ZFHX3: variants seen among roughly 807,000 people sequenced by gnomAD.
ZFHX3 encodes the protein zinc finger homeobox protein 3.
In ZFHX3, 42 loss-of-function variants were observed where a neutral mutation model predicts 279.1. That is an observed-to-expected ratio of 0.15 (90% CI 0.12 to 0.19). The LOEUF is 0.19. Among genes scored for constraint, ZFHX3 ranks in the 10% least tolerant of loss-of-function variants. The pLI, the probability that ZFHX3 is intolerant of heterozygous loss-of-function variation, is 1.00. For synonymous variants in ZFHX3, 2,293 were observed against 1,957.8 expected (o/e 1.17, Z -4.52); for missense variants, 4,981 against 4,754.0 (o/e 1.05, Z -1.40).
In ZFHX3 at chr16:72,957,895, G is replaced by A; in HGVS notation, c.2251C>T (p.Leu751Phe). Reference sequence around the variant, plus strand: ...TTCTGCAGGTTCTGCATGTTGTTGAGATGCTTGTCAGACTGCATATGAATA... The same window carrying A: ...TTCTGCAGGTTCTGCATGTTGTTGAAATGCTTGTCAGACTGCATATGAATA... ...LSIHMQSDKH[L>F]NNMQNLQNGG... is the part of the protein sequence containing the mutation. Residue 751 changes from leucine (L) to phenylalanine (F), a missense_variant, in exon 2 of 10, where the codon CTC becomes TTC. Leu to Phe is a conservative substitution (Grantham distance 22). Coordinates refer to ENST00000268489, the MANE Select transcript of ZFHX3 (RefSeq NM_006885.4). The A allele has an allele frequency of 6.2e-7, 1 of 1,614,126 alleles. No individual in the cohort carries two copies. Among genetic ancestry groups the A allele is most frequent in the Non-Finnish European group, 8.5e-7 (1 of 1,180,046 alleles).
chr16:73,493,791 C>A (rs1324270609), intron 2 of ZFHX3, among the ~76,000 whole-genome samples: 2 of 152,106 alleles, frequency 1.3e-5, no homozygotes, highest in African/African-American at 4.8e-5. Context: ...CACATGCACA[C>A]ACGGTTGACC....
chr16:73,215,746 C>T (rs1006589228), intron 5 of ZFHX3, among the ~76,000 whole-genome samples: 1 of 152,188 alleles, frequency 6.6e-6, no homozygotes, highest in African/African-American at 2.4e-5. Flanking sequence ...TTATTCATTA[C>T]ACATTTTGCC....
chr16:73,494,213 G>T (rs886604216), intron 2 of ZFHX3, among the ~76,000 whole-genome samples: 1 of 152,142 alleles, frequency 6.6e-6, no homozygotes, highest in Admixed American at 6.6e-5. Context: ...CCTAAGTGGC[G>T]ATTTGTGGTA....
At chr16:73,784,873 T>A (rs1341508298) in intron 1 of ZFHX3, among the ~76,000 whole-genome samples, 2 of 150,490 alleles carry the variant, frequency 1.3e-5, no homozygotes, top group Admixed American at 6.6e-5. Flanking sequence ...CCATAAGTCC[T>A]CTAATGAGGA....
At chr16:72,806,375 G>C (rs1414789304) in intron 7 of ZFHX3, among the ~76,000 whole-genome samples, 1 of 152,170 alleles carries the variant, frequency 6.6e-6, no homozygotes, top group Non-Finnish European at 1.5e-5. Context: ...GCGCAGAGAG[G>C]TGAGAACTGA....
upstream of ZFHX3, among the ~76,000 whole-genome samples, chr16:73,049,760 G>A (rs944984547): frequency 6.6e-6 from 1 of 152,170 alleles, no homozygotes; most frequent in Non-Finnish European, 1.5e-5. Flanking sequence ...GGATGAGTTT[G>A]CAAACCAGAC....
chr16:73,439,458 G>A (rs368970975), intron 3 of ZFHX3, among the ~76,000 whole-genome samples: 6 of 152,148 alleles, frequency 3.9e-5, no homozygotes, highest in African/African-American at 1.4e-4. Flanking sequence ...CAGTGTATTT[G>A]GACCTCTGCT....
intron 1 of ZFHX3, among the ~76,000 whole-genome samples, chr16:73,753,403 G>A (rs777934598): frequency 5.3e-5 from 8 of 152,150 alleles, no homozygotes; most frequent in Non-Finnish European, 8.8e-5. Context: ...CAATCCAGAA[G>A]TGACCACCCC....
intron 2 of ZFHX3, among the ~76,000 whole-genome samples, chr16:73,553,659 T>C (rs1408333986): frequency 6.6e-6 from 1 of 152,164 alleles, no homozygotes; most frequent in Admixed American, 6.5e-5. Flanking sequence ...ACTGGTCATG[T>C]TAATCTGTTA....
intron 4 of ZFHX3, among the ~76,000 whole-genome samples, chr16:73,291,537 T>C (rs1375787760): frequency 6.6e-6 from 1 of 152,202 alleles, no homozygotes; most frequent in Non-Finnish European, 1.5e-5. Context: ...CATCTCAACA[T>C]GGAGTTGCTC....
intron 4 of ZFHX3, among the ~76,000 whole-genome samples, chr16:72,853,687 G>A (rs1260949017): frequency 1.3e-5 from 2 of 152,224 alleles, no homozygotes; most frequent in South Asian, 4.1e-4. Flanking sequence ...GGTAGGCATT[G>A]GAAGAGAGGG....
rs1960762563 is a variant in ZFHX3 at position 73,822,157 on chromosome 16, A to C, written c.-1608+69494T>G. Among the ~76,000 whole-genome samples, 5 of 152,202 alleles carry C rather than the reference A, an allele frequency of 3.3e-5. No individual in the cohort carries two copies. The South Asian group carries it at 1.0e-3, about 31-fold the overall frequency. Reference sequence around the variant, plus strand: ...GTCAAGCTGGATCCAATGCCAGCCCAGGTGAGATTTTTCCTTCCTGTGTGT... The same window carrying C: ...GTCAAGCTGGATCCAATGCCAGCCCCGGTGAGATTTTTCCTTCCTGTGTGT... On this transcript the variant is annotated intron_variant, in intron 1 of 17. Transcript: ENST00000641206.
intron 1 of ZFHX3, among the ~76,000 whole-genome samples, chr16:73,711,368 C>T (rs1567558441): frequency 6.6e-6 from 1 of 152,070 alleles, no homozygotes; most frequent in African/African-American, 2.4e-5. Context: ...GCTGGGACTC[C>T]CATAGTAATA....
intron 1 of ZFHX3, among the ~76,000 whole-genome samples, chr16:73,730,767 A>G (rs1597086116): frequency 6.6e-6 from 1 of 152,214 alleles, no homozygotes; most frequent in Admixed American, 6.5e-5. Flanking sequence ...AAGTGCCAGT[A>G]TGGAGCTGGG....
chr16:73,469,862 C>T (rs1043293093), intron 2 of ZFHX3, among the ~76,000 whole-genome samples: 5 of 152,188 alleles, frequency 3.3e-5, no homozygotes, highest in Admixed American at 2.6e-4. Flanking sequence ...GTGATGCACC[C>T]GCCTCAGCCT....
intron 2 of ZFHX3, among the ~76,000 whole-genome samples, chr16:73,510,839 C>T (rs1243410962): frequency 6.6e-6 from 1 of 152,230 alleles, no homozygotes; most frequent in Non-Finnish European, 1.5e-5. Flanking sequence ...CTTAGGGTAA[C>T]AAAATCCTTA....
intron 9 of ZFHX3, among the ~76,000 whole-genome samples, chr16:72,791,878 C>A (rs1248443473): frequency 6.6e-6 from 1 of 152,168 alleles, no homozygotes; most frequent in South Asian, 2.1e-4. Flanking sequence ...TGGTAAAACA[C>A]CACTCAAAGT....
intron 6 of ZFHX3, among the ~76,000 whole-genome samples, chr16:73,134,041 A>G (rs1005100011): frequency 6.6e-6 from 1 of 152,140 alleles, no homozygotes; most frequent in Admixed American, 6.5e-5. Flanking sequence ...GTCTACGCCT[A>G]TATCTAATAT....
chr16:73,235,096 G>T (rs2144935853), intron 5 of ZFHX3, among the ~76,000 whole-genome samples: 1 of 152,288 alleles, frequency 6.6e-6, no homozygotes, highest in Admixed American at 6.5e-5. Context: ...TTGAGACGGA[G>T]TCTCACTCTA....
Sources: gnomAD v4.1 joint callset for allele counts (sites outside exome capture counted in the v4.1 genomes callset) on GRCh38, gnomAD v4.1.1 for gene constraint, MANE v1.5 for transcripts, NCBI Gene and HGNC (gene_info 2026-07-23, HGNC 2026-07-21) for gene names.